PCDHA3: variants seen among roughly 807,000 people sequenced by gnomAD.
The protein encoded by PCDHA3 is protocadherin alpha 3.
Under a neutral mutation model 62.2 loss-of-function variants are expected in PCDHA3, and 41 were observed. The observed-to-expected ratio is 0.66, with a 90% confidence interval of 0.51 to 0.86. The LOEUF (loss-of-function observed/expected upper bound fraction) is 0.86, where lower values mean the gene tolerates loss of function less well. PCDHA3 is among the 40% of genes least tolerant of loss of function. The pLI is 0.00. For synonymous variants in PCDHA3, 640 were observed against 555.4 expected (o/e 1.15, Z -2.14); for missense variants, 1,304 against 1,241.2 (o/e 1.05, Z -0.76).
intron 1 of PCDHA3, among the ~76,000 whole-genome samples, chr5:140,940,147 GT>G (rs1459512201): frequency 6.6e-6 from 1 of 152,082 alleles, no homozygotes; most frequent in African/African-American, 2.4e-5. Flanking sequence ...AACTATTATA[GT>G]TTTTGTTTGC....
At chr5:140,833,463 ATT>A (rs1554133852) in intron 1 of PCDHA3, among the ~76,000 whole-genome samples, 3 of 152,250 alleles carry the variant, frequency 2.0e-5, no homozygotes, top group Non-Finnish European at 4.4e-5. Context: ...ATAAACTTAC[ATT>A]TTAAAAGAAA....
At chr5:140,959,099 G>T (rs1233693181) in intron 1 of PCDHA3, among the ~76,000 whole-genome samples, 1 of 152,078 alleles carries the variant, frequency 6.6e-6, no homozygotes, top group Non-Finnish European at 1.5e-5. Context: ...CGGACATTCA[G>T]CAGGGGTCCG....
chr5:140,868,877 C>T (rs1554162279), intron 1 of PCDHA3: 4 of 684,224 alleles, frequency 5.8e-6, no homozygotes, highest in South Asian at 2.2e-5. Flanking sequence ...GCACAGTACT[C>T]ACAGTTTTAG....
chr5:140,967,887 T>G, intron 1 of PCDHA3: 1 of 1,614,078 alleles, frequency 6.2e-7, no homozygotes, highest in Non-Finnish European at 8.5e-7. Flanking sequence ...TATAGCCCAG[T>G]GCCTGAGAAT....
At chr5:140,967,142 C>T in intron 1 of PCDHA3, 1 of 1,611,304 alleles carries the variant, frequency 6.2e-7, no homozygotes, top group Non-Finnish European at 8.5e-7. Flanking sequence ...AGTGCTGGCG[C>T]ACAACCCCGT....
Position 140,870,720 on chromosome 5 carries a change from G to A in PCDHA3, c.2394+67129G>A, listed in dbSNP as rs544150374. ...AGTTCCAGGTGAGCGCGCGCGATGC[G>A]GGCGTGCCGCCTCTGAGCAGCAACG... On this transcript the variant is annotated intron_variant, in intron 1 of 3. Coordinates refer to ENST00000522353, the MANE Select transcript of PCDHA3 (RefSeq NM_018906.3). The A allele has an allele frequency of 3.7e-6, 6 of 1,613,204 alleles. No homozygotes were observed. In the East Asian group the frequency reaches 6.7e-5, roughly 18 times the overall value.
rs199814121 is a variant in PCDHA3, at chr5:140,884,467, G to T, written c.2394+80876G>T. 3.9e-5 allele frequency: 63 copies of T among 1,613,778 alleles called. No individual in the cohort carries two copies. In the East Asian group the frequency reaches 1.3e-3, roughly 33 times the overall value. The stretch of plus-strand genomic sequence containing the variant: ...CACCGCCCACCGAGGGCGCGTGCGC[G>T]CCGGGCAAGCCCACTCTAGTGTGCT... On this transcript the variant is annotated intron_variant, in intron 1 of 3. Transcript: ENST00000522353.
rs376836131 is a variant in PCDHA3, at chr5:140,804,922, T to C, written c.2394+1331T>C. Reference sequence around the variant, plus strand: ...CTTCCATTTTCTTTATTTCCTTTTTTGGCACTATCCTTTGTTGCTCCCTTG... The same window carrying C: ...CTTCCATTTTCTTTATTTCCTTTTTCGGCACTATCCTTTGTTGCTCCCTTG... On this transcript the variant is annotated intron_variant, in intron 1 of 3. Coordinates refer to ENST00000522353, the MANE Select transcript of PCDHA3 (RefSeq NM_018906.3). 9 of 985,190 alleles carry C rather than the reference T, an allele frequency of 9.1e-6. No homozygotes were observed. In the African/African-American group the frequency reaches 1.2e-4, roughly 13 times the overall value. 61.0% of individuals were successfully genotyped at this position (985,190 alleles called of 1,614,324 possible). A position where few individuals can be genotyped will look rare whatever the true frequency, so the allele number is the denominator to read the frequency against.
At chr5:140,962,455 A>G (rs571453201) in intron 1 of PCDHA3, among the ~76,000 whole-genome samples, 4 of 152,246 alleles carry the variant, frequency 2.6e-5, no homozygotes, top group Non-Finnish European at 4.4e-5. Flanking sequence ...TGAATCTCTT[A>G]TGGCTTGAAT....
At chr5:140,921,961 C>T (rs528457864) in intron 1 of PCDHA3, among the ~76,000 whole-genome samples, 88 of 151,252 alleles carry the variant, frequency 5.8e-4, no homozygotes, top group Non-Finnish European at 9.1e-4. Context: ...TCCCAGAAAA[C>T]CAAAGGAAAA....
intron 1 of PCDHA3, among the ~76,000 whole-genome samples, chr5:140,840,646 T>C (rs2150308439): frequency 9.2e-5 from 14 of 151,994 alleles, no homozygotes; most frequent in African/African-American, 3.4e-4. Context: ...AGAGAAATAG[T>C]GTAAAGAATA....
chr5:140,836,641 A>G, intron 1 of PCDHA3: 1 of 1,613,486 alleles, frequency 6.2e-7, no homozygotes, highest in South Asian at 1.1e-5. Flanking sequence ...TTCTCCCAGC[A>G]GAGGCGGCAG....
intron 1 of PCDHA3, chr5:140,803,820 G>A (rs1554122968): frequency 1.2e-5 from 8 of 661,080 alleles, no homozygotes; most frequent in African/African-American, 1.8e-5. Flanking sequence ...TTTGTTATTA[G>A]GTGCAGTAGT....
At chr5:140,896,710 T>C (rs1231459059) in intron 1 of PCDHA3, among the ~76,000 whole-genome samples, 2 of 152,160 alleles carry the variant, frequency 1.3e-5, no homozygotes, top group Non-Finnish European at 2.9e-5. Flanking sequence ...TGTTTGTTTT[T>C]TGCTTGTTAA....
intron 1 of PCDHA3, among the ~76,000 whole-genome samples, chr5:140,854,845 T>C (rs1554147464): frequency 6.7e-6 from 1 of 149,904 alleles, no homozygotes; most frequent in Non-Finnish European, 1.5e-5. Flanking sequence ...CTGACATTGA[T>C]AAAATTACTA....
rs567371259 is a variant in PCDHA3, at chr5:140,910,950, G to A, written c.2395-67999G>A. ...TAAGAAAGCTCAAGCAGTTCTTTTC[G>A]AGTGTAGCACACCTCCTCATGGGTT... On this transcript the variant is annotated intron_variant, in intron 1 of 3. Coordinates refer to ENST00000522353, the MANE Select transcript of PCDHA3 (RefSeq NM_018906.3). Among the ~76,000 whole-genome samples, 203 of 152,092 alleles carry A rather than the reference G, an allele frequency of 1.3e-3. 1 individual carries two copies. Among genetic ancestry groups the A allele is most frequent in the Non-Finnish European group, 2.4e-3 (165 of 68,000 alleles).
rs58232896 is a variant in PCDHA3 at position 140,946,262 on chromosome 5, C to T, written c.2395-32687C>T. Among the ~76,000 whole-genome samples the T allele has an allele frequency of 3.4e-3, 520 of 151,790 alleles. 2 individuals are homozygous for T. Among genetic ancestry groups the T allele is most frequent in the African/African-American group, 0.012 (483 of 41,394 alleles). On this transcript the variant is annotated intron_variant, in intron 1 of 3. Transcript: ENST00000522353. Reference sequence around the variant, plus strand: ...AACATCATGAATCATCAGAAAAATGCGAATTAAAACCCCAATGAGATATCA... The same window carrying T: ...AACATCATGAATCATCAGAAAAATGTGAATTAAAACCCCAATGAGATATCA...
intron 3 of PCDHA3, among the ~76,000 whole-genome samples, chr5:141,002,590 C>T (rs183905414): frequency 6.6e-6 from 1 of 152,294 alleles, no homozygotes; most frequent in East Asian, 1.9e-4. Flanking sequence ...AGTCCTTAGT[C>T]CCCTCATCTA....
At chr5:140,943,234 G>A (rs1161111493) in intron 1 of PCDHA3, among the ~76,000 whole-genome samples, 3 of 145,508 alleles carry the variant, frequency 2.1e-5, no homozygotes, top group Non-Finnish European at 4.5e-5. Context: ...CTCCAGCCTG[G>A]GTCACAGAGT....
Sources: gnomAD v4.1 joint callset for allele counts (sites outside exome capture counted in the v4.1 genomes callset) on GRCh38, gnomAD v4.1.1 for gene constraint, MANE v1.5 for transcripts, NCBI Gene and HGNC (gene_info 2026-07-23, HGNC 2026-07-21) for gene names.